Variants in MAX observed in about 807,000 individuals in gnomAD.
The protein encoded by MAX is MYC associated transcriptional regulator X.
Under a neutral mutation model 22.3 loss-of-function variants are expected in MAX, and 3 were observed. That is an observed-to-expected ratio of 0.13 (90% CI 0.06 to 0.35). The LOEUF (loss-of-function observed/expected upper bound fraction) is 0.35. Among genes scored for constraint, MAX ranks in the 10% least tolerant of loss-of-function variants. The probability of loss-of-function intolerance (pLI) is 1.00; values close to 1 mark genes in which losing one functional copy is unlikely to be tolerated. For synonymous variants in MAX, 72 were observed against 77.7 expected (o/e 0.93, Z 0.39); for missense variants, 119 against 209.4 (o/e 0.57, Z 2.66).
chr14:65,006,817 A>C (rs1402796791), intron 3 of MAX, among the ~76,000 whole-genome samples: 1 of 152,122 alleles, frequency 6.6e-6, no homozygotes, highest in Non-Finnish European at 1.5e-5. Context: ...TTTTATTCAC[A>C]CTGAGATATG....
intron 3 of MAX, among the ~76,000 whole-genome samples, chr14:65,037,956 G>C (rs1184791146): frequency 6.6e-6 from 1 of 150,550 alleles, no homozygotes; most frequent in South Asian, 2.1e-4. Flanking sequence ...ATTTTTACGG[G>C]GTTTCGCCAT....
At chr14:65,040,729 C>T in intron 3 of MAX, 1 of 1,564,860 alleles carries the variant, frequency 6.4e-7, no homozygotes, top group East Asian at 2.3e-5. Context: ...CTAGGATGGT[C>T]CTGGTCTTGT....
At chr14:65,092,561 G>T (rs1477633610) in intron 3 of MAX, among the ~76,000 whole-genome samples, 1 of 152,088 alleles carries the variant, frequency 6.6e-6, no homozygotes, top group Admixed American at 6.6e-5. Context: ...TTGGTTTAAG[G>T]TCATTAAATC....
In MAX at chr14:65,044,926, A is replaced by G. The variant is rs909031950; in HGVS notation, c.172-38642T>C. On this transcript the variant is annotated intron_variant, in intron 3 of 3. Coordinates refer to the MAX transcript ENST00000341653. The surrounding 1 kb of genome is among the most constrained non-coding windows in gnomAD (Gnocchi z 5.5). ...TGTAGGGGTGGGTTGCCCCTACACCATGGAGAAGAGACTCGCCGTGTCTGA... is the reference window on the plus strand; with the variant it reads ...TGTAGGGGTGGGTTGCCCCTACACCGTGGAGAAGAGACTCGCCGTGTCTGA... Among the ~76,000 whole-genome samples the G allele has an allele frequency of 3.3e-5, 5 of 152,126 alleles. No individual in the cohort carries two copies. The highest frequency in any genetic ancestry group is 1.2e-4 in the African/African-American group (5 of 41,422).
Position 65,098,595 on chromosome 14 carries a change from A to G in MAX, c.63+2951T>C, listed in dbSNP as rs577362651. 6.6e-5 allele frequency among the ~76,000 whole-genome samples: 10 copies of G among 152,364 alleles called. No individual in the cohort carries two copies. The South Asian group carries it at 1.2e-3, about 19-fold the overall frequency. On this transcript the variant is annotated intron_variant, in intron 2 of 4. Transcript: ENST00000358664. ...ATTTCCCAAACAGAAATAAAGCAAA[A>G]GGAAGCCCTTGCAATATAATATACC... is the stretch of plus-strand genomic sequence containing the variant.
chr14:65,060,889 AAAAAAAC>A (rs1158361954), intron 3 of MAX, among the ~76,000 whole-genome samples: 24 of 144,350 alleles, frequency 1.7e-4, no homozygotes, highest in Non-Finnish European at 3.3e-4. Context: ...AAAAAAAAAA[AAAAAAAC>A]AGTTTGAGAT....
intron 3 of MAX, among the ~76,000 whole-genome samples, chr14:65,037,431 T>G (rs1483557006): frequency 8.5e-6 from 1 of 118,078 alleles, no homozygotes; most frequent in Non-Finnish European, 1.7e-5. Flanking sequence ...TTTTTTTTTT[T>G]TTTTTTTTTT....
At chr14:65,049,898 C>T (rs2062568239) in intron 3 of MAX, among the ~76,000 whole-genome samples, 1 of 151,890 alleles carries the variant, frequency 6.6e-6, no homozygotes, top group Non-Finnish European at 1.5e-5. Context: ...CCAAAAATCC[C>T]CATACACATT....
chr14:65,079,114 T>A lies in MAX; in HGVS notation c.172-1078A>T, dbSNP rs910550761. On this transcript the variant is annotated intron_variant, in intron 3 of 4. Transcript: ENST00000358664. This position sits in a 1 kb window ranked among gnomAD's most constrained non-coding sequence, Gnocchi z 4.5. ...TACTTAAATGAAAGCTTTAGGTCAC[T>A]AATTCTGCTAGGGCCTGGCTTGAGA... 1.3e-5 allele frequency among the ~76,000 whole-genome samples: 2 copies of A among 152,222 alleles called. No individual in the cohort carries two copies. Among genetic ancestry groups the A allele is most frequent in the African/African-American group, 4.8e-5 (2 of 41,448 alleles).
chr14:65,057,903 C>A (rs1228202983), intron 3 of MAX, among the ~76,000 whole-genome samples: 1 of 152,108 alleles, frequency 6.6e-6, no homozygotes, highest in Non-Finnish European at 1.5e-5. Flanking sequence ...TATTTTGTTC[C>A]TTTGGTCTGT....
rs140790039 is a variant in MAX, at chr14:65,078,202, TA to T, written c.172-167del. ...CTACTGTAGGCTTTATTTATTTATT[TA>T]TTTTTTTATTTTTTTGAGACAGAGT... On this transcript the variant is annotated intron_variant, in intron 3 of 4. Transcript: ENST00000358664. This position sits in a 1 kb window ranked among gnomAD's most constrained non-coding sequence, Gnocchi z 6.4. 0.013 allele frequency among the ~76,000 whole-genome samples: 1,884 copies of T among 148,332 alleles called. 86 individuals are homozygous for T. The East Asian group carries it at 0.13, about 10-fold the overall frequency.
At position 65,061,198 on chromosome 14, in the gene MAX, G is replaced by A. The variant is rs1054920274; in HGVS notation, c.171+32510C>T. On this transcript the variant is annotated intron_variant, in intron 3 of 3. Coordinates refer to the MAX transcript ENST00000341653. ...CTTTGCAGCAGCCCACTCACCCAGT[G>A]TACAACATTGGACCAGACAAGGTGA... The A allele has an allele frequency of 2.6e-5, 42 of 1,613,986 alleles. 1 individual carries two copies. The highest frequency in any genetic ancestry group is 3.6e-5 in the Non-Finnish European group (42 of 1,180,014).
rs1273489990 is a variant in MAX, at chr14:65,029,260, G to A, written c.172-22976C>T. 2.0e-5 allele frequency among the ~76,000 whole-genome samples: 3 copies of A among 152,158 alleles called. No individual in the cohort carries two copies. Among genetic ancestry groups the A allele is most frequent in the Non-Finnish European group, 4.4e-5 (3 of 68,026 alleles). The stretch of plus-strand genomic sequence containing the variant: ...TGCTTTGCCTGGTTTCTAGTACCCC[G>A]ATTCCATCATTTTTCACTTGGCATT... On this transcript the variant is annotated intron_variant, in intron 3 of 3. Coordinates refer to the MAX transcript ENST00000341653. The surrounding 1 kb of genome is among the most constrained non-coding windows in gnomAD (Gnocchi z 4.7).
chr14:65,013,036 G>A (rs934439787), intron 3 of MAX, among the ~76,000 whole-genome samples: 1 of 152,190 alleles, frequency 6.6e-6, no homozygotes, highest in Non-Finnish European at 1.5e-5. Context: ...GGACTGAGCG[G>A]CAGGCAAAGG....
At position 65,075,715 on chromosome 14, in the gene MAX, AC is replaced by A. The variant is rs2063040563; in HGVS notation, c.*760del. 2 of 1,066,344 alleles carry A rather than the reference AC, an allele frequency of 1.9e-6. No individual in the cohort carries two copies. The highest frequency in any genetic ancestry group is 2.3e-6 in the Non-Finnish European group (2 of 879,770). The allele number at this position is 1,066,344 out of a possible 1,614,324, so 66.1% of individuals were successfully genotyped here. On this transcript the variant is annotated 3_prime_UTR_variant, in exon 5 of 5. Coordinates refer to ENST00000358664, the MANE Select transcript of MAX (RefSeq NM_002382.5). This position sits in a 1 kb window ranked among gnomAD's most constrained non-coding sequence, Gnocchi z 4.1. ...CACCCAAAACACCCTCCCTGTCCCA[AC>A]CCCAAATGGCCACTCCCTGGTGGCT...
chr14:65,021,164 A>G (rs2061879530), intron 3 of MAX, among the ~76,000 whole-genome samples: 2 of 152,234 alleles, frequency 1.3e-5, no homozygotes, highest in Non-Finnish European at 2.9e-5. Flanking sequence ...TCCTCTAATG[A>G]GAATCCCATT....
In MAX at chr14:65,087,572, G is replaced by A. The variant is rs527301124; in HGVS notation, c.171+6136C>T. On this transcript the variant is annotated intron_variant, in intron 3 of 4. Transcript: ENST00000358664. ...CTGCTGGATTTTGGACTTGCATGAGGCCTGTAGCCCCTTTTTTTGACCGAT... is the reference window on the plus strand; with the variant it reads ...CTGCTGGATTTTGGACTTGCATGAGACCTGTAGCCCCTTTTTTTGACCGAT... Among the ~76,000 whole-genome samples, 94 of 152,312 alleles carry A rather than the reference G, an allele frequency of 6.2e-4. 1 individual carries two copies. Among genetic ancestry groups the A allele is most frequent in the African/African-American group, 2.2e-3 (92 of 41,564 alleles).
chr14:65,043,792 G>A (rs549126139), intron 3 of MAX, among the ~76,000 whole-genome samples: 9 of 123,712 alleles, frequency 7.3e-5, no homozygotes, highest in East Asian at 2.4e-4. Flanking sequence ...ACTGCAGTCC[G>A]CAGTCCGGCC....
chr14:65,042,828 T>C (rs74952288), intron 3 of MAX, among the ~76,000 whole-genome samples: 1 of 152,220 alleles, frequency 6.6e-6, no homozygotes, highest in Admixed American at 6.5e-5. Context: ...CTGCTTTCTC[T>C]CTGCCTGAGT....
Sources: gnomAD v4.1 joint callset for allele counts (sites outside exome capture counted in the v4.1 genomes callset) on GRCh38, gnomAD v4.1.1 for gene constraint, Gnocchi (gnomAD v3.1) non-coding constraint, MANE v1.5 for transcripts, NCBI Gene and HGNC (gene_info 2026-07-23, HGNC 2026-07-21) for gene names.